Variants in PXDNL observed in about 807,000 individuals in gnomAD.
PXDNL encodes the protein probable oxidoreductase PXDNL.
PXDNL carries 145 observed loss-of-function variants against 150.8 expected under a neutral mutation model. That is an observed-to-expected ratio of 0.96 (90% confidence interval 0.84 to 1.10). PXDNL has a LOEUF of 1.10. Among genes scored for constraint, PXDNL ranks in the 50% least tolerant of loss-of-function variants. The pLI, the probability that PXDNL is intolerant of heterozygous loss-of-function variation, is 0.00. For synonymous variants in PXDNL, 757 were observed against 725.7 expected (o/e 1.04, Z -0.69); for missense variants, 2,087 against 1,873.9 (o/e 1.11, Z -2.10).
At chr8:51,531,709 T>A (rs1811911694) in intron 4 of PXDNL, among the ~76,000 whole-genome samples, 1 of 152,086 alleles carries the variant, frequency 6.6e-6, no homozygotes, top group Non-Finnish European at 1.5e-5. Context: ...TTAAGTCAAG[T>A]GAAGAAGATA....
intron 4 of PXDNL, among the ~76,000 whole-genome samples, chr8:51,503,885 G>A (rs550027805): frequency 6.6e-6 from 1 of 152,092 alleles, no homozygotes; most frequent in East Asian, 1.9e-4. Context: ...TGCACCCAAT[G>A]TCTTCTTAAA....
intron 17 of PXDNL, among the ~76,000 whole-genome samples, chr8:51,396,077 C>A (rs1391425647): frequency 6.6e-6 from 1 of 152,204 alleles, no homozygotes; most frequent in Non-Finnish European, 1.5e-5. Context: ...AGAAATAAAT[C>A]GGTTCTATAG....
intron 1 of PXDNL, among the ~76,000 whole-genome samples, chr8:51,726,374 A>C (rs998641015): frequency 1.3e-5 from 2 of 152,076 alleles, no homozygotes; most frequent in Admixed American, 6.5e-5. Context: ...ATCCCACTTC[A>C]CCTTTGGCTT....
chr8:51,545,718 G>T (rs915813806), intron 4 of PXDNL, among the ~76,000 whole-genome samples: 1 of 152,126 alleles, frequency 6.6e-6, no homozygotes, highest in Admixed American at 6.6e-5. Context: ...CCAAGATGTG[G>T]AACTCACCCC....
chr8:51,775,986 G>A (rs535261224), intron 1 of PXDNL, among the ~76,000 whole-genome samples: 1 of 152,294 alleles, frequency 6.6e-6, no homozygotes, highest in South Asian at 2.1e-4. Flanking sequence ...TTCCCAAGGG[G>A]AGGTCTCTAA....
At chr8:51,327,638 A>G (rs978214945) in intron 21 of PXDNL, among the ~76,000 whole-genome samples, 2 of 152,226 alleles carry the variant, frequency 1.3e-5, no homozygotes, top group African/African-American at 4.8e-5. Context: ...AGCATGGCCC[A>G]TAAACCTGAA....
intron 4 of PXDNL, among the ~76,000 whole-genome samples, chr8:51,504,540 C>A (rs1272420248): frequency 6.6e-6 from 1 of 152,194 alleles, no homozygotes; most frequent in Non-Finnish European, 1.5e-5. Flanking sequence ...CCTTGGAAAG[C>A]CTTCCCTGAG....
intron 21 of PXDNL, among the ~76,000 whole-genome samples, chr8:51,321,458 G>A (rs1157724144): frequency 6.6e-6 from 1 of 152,112 alleles, no homozygotes; most frequent in East Asian, 1.9e-4. Context: ...GTTTGGCTTT[G>A]TGTCCCCACC....
chr8:51,637,645 T>G (rs1027939825), intron 2 of PXDNL, among the ~76,000 whole-genome samples: 4 of 151,940 alleles, frequency 2.6e-5, no homozygotes, highest in Non-Finnish European at 2.9e-5. Flanking sequence ...AAGAGAAGTT[T>G]AGAGAAAAAA....
intron 1 of PXDNL, among the ~76,000 whole-genome samples, chr8:51,721,334 A>G (rs2130916567): frequency 6.6e-6 from 1 of 152,358 alleles, no homozygotes; most frequent in South Asian, 2.1e-4. Flanking sequence ...AATTAGCTGC[A>G]AAGAATGAAT....
intron 1 of PXDNL, among the ~76,000 whole-genome samples, chr8:51,753,535 A>G (rs1265291754): frequency 6.6e-6 from 1 of 152,226 alleles, no homozygotes; most frequent in African/African-American, 2.4e-5. Context: ...ATTCTGATCC[A>G]TAGTATCGCA....
chr8:51,710,189 G>C (rs1216028482), intron 1 of PXDNL, among the ~76,000 whole-genome samples: 1 of 152,108 alleles, frequency 6.6e-6, no homozygotes, highest in African/African-American at 2.4e-5. Context: ...TTGATTCTGG[G>C]CAGCCAGACA....
chr8:51,771,982 G>C (rs1463633596), intron 1 of PXDNL, among the ~76,000 whole-genome samples: 1 of 152,030 alleles, frequency 6.6e-6, no homozygotes, highest in Non-Finnish European at 1.5e-5. Context: ...AGAAAAGAGA[G>C]AGTGGGTCAT....
Position 51,533,542 on chromosome 8 carries a change from G to C in PXDNL, c.380+23298C>G, listed in dbSNP as rs367735374. On this transcript the variant is annotated intron_variant, in intron 4 of 22. Coordinates refer to ENST00000356297, the MANE Select transcript of PXDNL (RefSeq NM_144651.5). ...CCCTCCACGGTCTCCCTCTGATGCC[G>C]AGCCAAAGCTGGACGGTACTGCTGC... 4.8e-5 allele frequency among the ~76,000 whole-genome samples: 6 copies of C among 124,040 alleles called. 1 individual carries two copies. Among genetic ancestry groups the C allele is most frequent in the African/African-American group, 1.3e-4 (4 of 30,544 alleles). 81.4% of individuals were successfully genotyped at this position (124,040 alleles called of 152,430 possible). A position where few individuals can be genotyped will look rare whatever the true frequency, so the allele number is the denominator to read the frequency against.
chr8:51,504,813 T>G (rs1811252327), intron 4 of PXDNL, among the ~76,000 whole-genome samples: 1 of 152,190 alleles, frequency 6.6e-6, no homozygotes, highest in Non-Finnish European at 1.5e-5. Context: ...TTTGCAAACG[T>G]GAGGATAAGA....
chr8:51,608,054 A>AAAGCAAGCAAGCAAGCAAGCAAGC (rs755666717), intron 2 of PXDNL, among the ~76,000 whole-genome samples: 1 of 111,596 alleles, frequency 9.0e-6, no homozygotes, highest in Non-Finnish European at 1.8e-5. Flanking sequence ...AGAAAGAAAG[A>AAAGCAAGCAAGCAAGCAAGCAAGC]AAGCAAGCAA....
intron 1 of PXDNL, among the ~76,000 whole-genome samples, chr8:51,755,825 T>A (rs2037094483): frequency 6.6e-6 from 1 of 152,204 alleles, no homozygotes; most frequent in Non-Finnish European, 1.5e-5. Context: ...TGTAGTTTAT[T>A]TCAGTATAGA....
intron 19 of PXDNL, among the ~76,000 whole-genome samples, chr8:51,360,594 C>T (rs1406160984): frequency 1.3e-5 from 2 of 152,192 alleles, no homozygotes; most frequent in African/African-American, 2.4e-5. Context: ...CATACATACG[C>T]ATGTTGTTAA....
intron 17 of PXDNL, among the ~76,000 whole-genome samples, chr8:51,376,878 C>T (rs1231511347): frequency 6.6e-6 from 1 of 151,946 alleles, no homozygotes; most frequent in Non-Finnish European, 1.5e-5. Flanking sequence ...GCCACAATGC[C>T]CGGCTAATTT....
Sources: gnomAD v4.1 joint callset for allele counts (sites outside exome capture counted in the v4.1 genomes callset) on GRCh38, gnomAD v4.1.1 for gene constraint, MANE v1.5 for transcripts, NCBI Gene and HGNC (gene_info 2026-07-23, HGNC 2026-07-21) for gene names.